Variants in PIBF1 observed in about 807,000 individuals in gnomAD.
PIBF1 encodes the protein progesterone immunomodulatory binding factor 1.
A neutral mutation model predicts 112.5 loss-of-function variants in PIBF1; 90 were observed. That is an observed-to-expected ratio of 0.80 (90% CI 0.67 to 0.95). The LOEUF (loss-of-function observed/expected upper bound fraction) is 0.95. PIBF1 is among the 40% of genes least tolerant of loss of function. The probability of loss-of-function intolerance (pLI) is 0.00; values close to 1 mark genes in which losing one functional copy is unlikely to be tolerated. For synonymous variants in PIBF1, 301 were observed against 288.6 expected (o/e 1.04, Z -0.44); for missense variants, 915 against 852.3 (o/e 1.07, Z -0.92).
At chr13:72,788,841 G>T (rs2034740422) in intron 2 of PIBF1, among the ~76,000 whole-genome samples, 1 of 152,140 alleles carries the variant, frequency 6.6e-6, no homozygotes, top group South Asian at 2.1e-4. Context: ...TTTTTAGTTA[G>T]AAAATATTTG....
At chr13:72,838,786 G>A (rs888291927) in intron 9 of PIBF1, among the ~76,000 whole-genome samples, 3 of 152,074 alleles carry the variant, frequency 2.0e-5, no homozygotes, top group African/African-American at 7.2e-5. Flanking sequence ...ATAGAAGTAC[G>A]GAGTCCTTCT....
At chr13:72,913,046 G>A (rs1321629534) in intron 12 of PIBF1, among the ~76,000 whole-genome samples, 1 of 151,334 alleles carries the variant, frequency 6.6e-6, no homozygotes, top group African/African-American at 2.4e-5. Context: ...AAAATCAAGG[G>A]GTGGGGGTAA....
chr13:72,835,431 T>A (rs2037314600), intron 9 of PIBF1, 63 bp downstream of exon 9: 4 of 1,234,090 alleles, frequency 3.2e-6, no homozygotes, highest in Middle Eastern at 2.4e-4. Context: ...GAAGCTTTAT[T>A]GAAATTAAAT....
rs540128898 is a variant in PIBF1, at chr13:72,948,074, G to A, written c.1833+16807G>A. On this transcript the variant is annotated intron_variant, in intron 14 of 17. Transcript: ENST00000326291. Reference sequence around the variant, plus strand: ...AGGGGAACATCACACACCAGGGCCTGTCTCGGGGTGGGGAGCTAGGGGAGG... The same window carrying A: ...AGGGGAACATCACACACCAGGGCCTATCTCGGGGTGGGGAGCTAGGGGAGG... 3.9e-5 allele frequency among the ~76,000 whole-genome samples: 6 copies of A among 152,192 alleles called. No homozygotes were observed. The East Asian group carries it at 7.7e-4, about 20-fold the overall frequency.
chr13:72,788,291 A>G (rs1381851019), intron 2 of PIBF1, among the ~76,000 whole-genome samples: 1 of 152,176 alleles, frequency 6.6e-6, no homozygotes, highest in African/African-American at 2.4e-5. Context: ...GATTGAACCA[A>G]CTGCCCAGGG....
At chr13:72,790,421 TCACACACACA>T (rs57599910) in intron 2 of PIBF1, among the ~76,000 whole-genome samples, 34,343 of 135,550 alleles carry the variant, frequency 0.25, 4,566 homozygotes, top group South Asian at 0.4. Flanking sequence ...GAGGAGTCCA[TCACACACACA>T]CACACACACA....
chr13:72,937,810 A>T (rs932449193), intron 14 of PIBF1, among the ~76,000 whole-genome samples: 1 of 152,144 alleles, frequency 6.6e-6, no homozygotes, highest in African/African-American at 2.4e-5. Context: ...GTGAAACTCC[A>T]TCTCAAAAAA....
intron 17 of PIBF1, among the ~76,000 whole-genome samples, chr13:73,013,489 C>T (rs1371644708): frequency 6.6e-6 from 1 of 151,472 alleles, no homozygotes; most frequent in East Asian, 1.9e-4. Flanking sequence ...TTAGGCATAT[C>T]ATTTGCATAT....
chr13:72,946,206 G>T (rs1244259364), intron 14 of PIBF1, among the ~76,000 whole-genome samples: 1 of 152,064 alleles, frequency 6.6e-6, no homozygotes, highest in South Asian at 2.1e-4. Flanking sequence ...AAGCAAACAC[G>T]TCCTTCTTCA....
chr13:72,933,108 C>G (rs1250524966), intron 14 of PIBF1, among the ~76,000 whole-genome samples: 1 of 152,160 alleles, frequency 6.6e-6, no homozygotes, highest in Non-Finnish European at 1.5e-5. Context: ...AACAAACAAA[C>G]AAACCTCTGT....
At chr13:72,827,224 T>A in intron 7 of PIBF1, 106 bp downstream of exon 7, 2 of 318,456 alleles carry the variant, frequency 6.3e-6, no homozygotes, top group Non-Finnish European at 5.7e-6. Context: ...ATGTAGTTCC[T>A]CCCAAAAAGA....
chr13:72,934,818 A>G (rs1401977389), intron 14 of PIBF1, among the ~76,000 whole-genome samples: 2 of 152,184 alleles, frequency 1.3e-5, no homozygotes, highest in Admixed American at 1.3e-4. Context: ...CTATGAAACT[A>G]TCACCAAAAT....
intron 16 of PIBF1, among the ~76,000 whole-genome samples, chr13:72,978,638 T>C (rs745455129): frequency 3.9e-5 from 6 of 152,208 alleles, no homozygotes; most frequent in Non-Finnish European, 7.3e-5. Flanking sequence ...CCAGGTGTTA[T>C]AATCTTTTTT....
chr13:72,838,666 C>T (rs182931688), intron 9 of PIBF1, among the ~76,000 whole-genome samples: 2 of 152,314 alleles, frequency 1.3e-5, no homozygotes, highest in East Asian at 3.9e-4. Context: ...AGTATGGCTG[C>T]TGGGGTTGGC....
intron 9 of PIBF1, among the ~76,000 whole-genome samples, chr13:72,839,574 A>G (rs1169167848): frequency 3.3e-5 from 5 of 152,278 alleles, no homozygotes; most frequent in South Asian, 2.1e-4. Flanking sequence ...CTGTGGTTCA[A>G]TTCTGTTGTG....
intron 15 of PIBF1, among the ~76,000 whole-genome samples, chr13:72,966,825 C>T (rs1431777224): frequency 6.6e-6 from 1 of 152,088 alleles, no homozygotes; most frequent in African/African-American, 2.4e-5. Flanking sequence ...AGGAGAATCG[C>T]TTGAACCGGG....
In PIBF1 at chr13:72,925,542, C is replaced by CTTTTTT. The variant is rs59074858; in HGVS notation, c.1731-5607_1731-5602dup. Among the ~76,000 whole-genome samples, 135 of 102,032 alleles carry CTTTTTT rather than the reference C, an allele frequency of 1.3e-3. 1 individual carries two copies. The highest frequency in any genetic ancestry group is 1.8e-3 in the African/African-American group (49 of 26,588). The allele number at this position is 102,032 out of a possible 152,430, so 66.9% of individuals were successfully genotyped here. On this transcript the variant is annotated intron_variant, in intron 13 of 17. Coordinates refer to ENST00000326291, the MANE Select transcript of PIBF1 (RefSeq NM_006346.4). ...TTTTTTTCCTTTTTTCTTTCTCTCT[C>CTTTTTT]TTTTTTTTTTTTTTTTTTTTTGAGA...
intron 9 of PIBF1, among the ~76,000 whole-genome samples, chr13:72,837,647 C>G (rs2037418644): frequency 6.6e-6 from 1 of 152,146 alleles, no homozygotes; most frequent in African/African-American, 2.4e-5. Flanking sequence ...TCCATAACTG[C>G]TATTCTGTTA....
chr13:72,871,971 A>G (rs576512044), intron 10 of PIBF1, among the ~76,000 whole-genome samples: 15 of 152,244 alleles, frequency 9.9e-5, no homozygotes, highest in African/African-American at 3.6e-4. Flanking sequence ...TAACAGATGG[A>G]TCCTCTTACA....
Sources: allele counts gnomAD v4.1 joint callset (sites outside exome capture counted in the v4.1 genomes callset), GRCh38; gene constraint gnomAD v4.1.1; transcripts MANE v1.5; gene names NCBI Gene and HGNC (gene_info 2026-07-23, HGNC 2026-07-21).